Variants in PREX1 observed in about 807,000 individuals in gnomAD.
PREX1 encodes the protein phosphatidylinositol 3,4,5-trisphosphate-dependent Rac exchanger 1 protein.
A neutral mutation model predicts 198.3 loss-of-function variants in PREX1; 41 were observed. The ratio of observed to expected loss-of-function variants is 0.21; its 90% CI spans 0.16 to 0.27. The LOEUF (loss-of-function observed/expected upper bound fraction) is 0.27, where lower values mean the gene tolerates loss of function less well. PREX1 is among the 10% of genes least tolerant of loss of function. PREX1 has a pLI of 1.00. For missense variants in PREX1, 1,620 were observed against 2,200.7 expected (o/e 0.74, Z 5.28); for synonymous variants, 843 against 887.2 (o/e 0.95, Z 0.89).
At position 48,762,254 on chromosome 20, in the gene PREX1, GCTC is replaced by G. The variant is rs536845691; in HGVS notation, c.220-14377_220-14375del. On this transcript the variant is annotated intron_variant, in intron 1 of 39. Coordinates refer to ENST00000371941, the MANE Select transcript of PREX1 (RefSeq NM_020820.4). ...ACCCAGCTTCTCCCTACTCCTTTGGGCTCCTCAGTTGTTGATTTTTTTCCTGAA... is the reference window on the plus strand; with the variant it reads ...ACCCAGCTTCTCCCTACTCCTTTGGGCTCAGTTGTTGATTTTTTTCCTGAA... 4.6e-5 allele frequency among the ~76,000 whole-genome samples: 7 copies of G among 152,220 alleles called. No individual in the cohort carries two copies. In the East Asian group the frequency reaches 1.2e-3, roughly 25 times the overall value.
intron 14 of PREX1, among the ~76,000 whole-genome samples, chr20:48,669,304 GC>G (rs2089660087): frequency 6.6e-6 from 1 of 151,996 alleles, no homozygotes. Flanking sequence ...CCTGAAAGTA[GC>G]CCCCCAAACA....
chr20:48,631,515 C>CA (rs1336075725), intron 35 of PREX1, among the ~76,000 whole-genome samples: 6 of 152,218 alleles, frequency 3.9e-5, no homozygotes, highest in Admixed American at 3.3e-4. Flanking sequence ...AGGCAGGACT[C>CA]AGAGTATTCC....
In PREX1 at chr20:48,642,398, A is replaced by AGGTCCTACCTGGTTAAAGAGGT. The variant is rs765408801; in HGVS notation, c.3671_3684+8dup. On this transcript the variant is annotated intron_variant, in intron 28 of 39. Coordinates refer to ENST00000371941, the MANE Select transcript of PREX1 (RefSeq NM_020820.4). Reference sequence around the variant, plus strand: ...CAAAGTTGCGCCAGGAGTGGGGCAAAGGTCCTACCTGGTTAAAGAGGTGCT... The same window carrying AGGTCCTACCTGGTTAAAGAGGT: ...CAAAGTTGCGCCAGGAGTGGGGCAAAGGTCCTACCTGGTTAAAGAGGTGGTCCTACCTGGTTAAAGAGGTGCT... The AGGTCCTACCTGGTTAAAGAGGT allele has an allele frequency of 6.2e-7, 1 of 1,611,416 alleles. No homozygotes were observed. Among genetic ancestry groups the AGGTCCTACCTGGTTAAAGAGGT allele is most frequent in the African/African-American group, 1.3e-5 (1 of 74,882 alleles).
At chr20:48,642,608 T>C in intron 27 of PREX1, 119 bp from the exon 28 acceptor site, 1 of 884,382 alleles carries the variant, frequency 1.1e-6, no homozygotes, top group Non-Finnish European at 1.7e-6. Context: ...GGATGTGGAG[T>C]CTGAAGACCA....
intron 14 of PREX1, among the ~76,000 whole-genome samples, chr20:48,667,781 C>G (rs73144023): frequency 0.16 from 23,908 of 152,222 alleles, 2,210 homozygotes; most frequent in Middle Eastern, 0.3. Flanking sequence ...CCAACTCTCC[C>G]AGGTGGGATG....
chr20:48,884,633 A>G, the PREX1 span, among the ~76,000 whole-genome samples: 23 of 152,364 alleles, frequency 1.5e-4, no homozygotes, highest in African/African-American at 5.0e-4. Context: ...ATGTCAAAAA[A>G]TATAAATGAC....
At chr20:48,719,808 C>T (rs2089977702) in intron 5 of PREX1, among the ~76,000 whole-genome samples, 2 of 152,112 alleles carry the variant, frequency 1.3e-5, no homozygotes, top group Non-Finnish European at 2.9e-5. Context: ...TCCATCCTGA[C>T]CACCCCACGG....
At chr20:48,705,158 T>C (rs2089897062) in intron 6 of PREX1, among the ~76,000 whole-genome samples, 1 of 152,254 alleles carries the variant, frequency 6.6e-6, no homozygotes, top group African/African-American at 2.4e-5. Flanking sequence ...GGTACTCCCA[T>C]GATCCTGACT....
intron 1 of PREX1, among the ~76,000 whole-genome samples, chr20:48,811,274 C>G (rs2090433752): frequency 6.6e-6 from 1 of 152,108 alleles, no homozygotes; most frequent in Non-Finnish European, 1.5e-5. Context: ...CTCAGCCTCC[C>G]AAAGTGCTGG....
intron 15 of PREX1, among the ~76,000 whole-genome samples, chr20:48,664,076 T>TA (rs574402097): frequency 9.9e-5 from 15 of 151,712 alleles, no homozygotes; most frequent in Admixed American, 9.2e-4. Flanking sequence ...AACAGGCCCT[T>TA]AAAAAAAAGA....
intron 1 of PREX1, among the ~76,000 whole-genome samples, chr20:48,755,965 C>T (rs568934345): frequency 6.6e-6 from 1 of 152,310 alleles, no homozygotes; most frequent in Admixed American, 6.5e-5. Context: ...CTCTCTCTCG[C>T]CCACCCCATC....
At chr20:48,645,726 AACAGCACCCTGAGCCC>A (rs2089445625) in intron 26 of PREX1, 109 bp downstream of exon 26, 7 of 1,106,458 alleles carry the variant, frequency 6.3e-6, no homozygotes, top group Non-Finnish European at 9.1e-6. Flanking sequence ...CGCTATCAGC[AACAGCACCCTGAGCCC>A]ACTGCACCCT....
At chr20:48,630,923 A>C (rs529964901) in intron 35 of PREX1, 129 bp from the exon 36 acceptor site, 40 of 705,780 alleles carry the variant, frequency 5.7e-5, no homozygotes, top group Non-Finnish European at 8.5e-5. Context: ...AATCCCTGAG[A>C]GCGCCTGCAG....
intron 1 of PREX1, among the ~76,000 whole-genome samples, chr20:48,781,096 G>A (rs1327098409): frequency 6.6e-6 from 1 of 152,128 alleles, no homozygotes; most frequent in Admixed American, 6.5e-5. Flanking sequence ...AAGAAAGACT[G>A]GGGAACTCTC....
At chr20:48,635,693 C>A (rs938946154) in intron 32 of PREX1, among the ~76,000 whole-genome samples, 4 of 152,218 alleles carry the variant, frequency 2.6e-5, no homozygotes, top group Admixed American at 2.6e-4. Flanking sequence ...GTAGAGATTG[C>A]CTTCTCCCCA....
intron 10 of PREX1, among the ~76,000 whole-genome samples, chr20:48,685,623 T>TG (rs2123031849): frequency 6.6e-6 from 1 of 152,156 alleles, no homozygotes; most frequent in East Asian, 1.9e-4. Context: ...AGCCAACCCT[T>TG]GGGGGTGATA....
intron 1 of PREX1, among the ~76,000 whole-genome samples, chr20:48,800,058 T>A: frequency 6.6e-6 from 1 of 152,224 alleles, no homozygotes; most frequent in East Asian, 1.9e-4. Context: ...GCTTCTCTCC[T>A]GTCCATGTGG....
chr20:48,876,275 C>T, the PREX1 span, among the ~76,000 whole-genome samples: 1 of 152,178 alleles, frequency 6.6e-6, no homozygotes, highest in African/African-American at 2.4e-5. Context: ...TTCTCATCCA[C>T]CCAGCCTCAG....
intron 1 of PREX1, among the ~76,000 whole-genome samples, chr20:48,793,951 C>T (rs148178422): frequency 1.1e-3 from 175 of 152,302 alleles, no homozygotes; most frequent in African/African-American, 4.0e-3. Context: ...GGCTCAGTAG[C>T]CCATCTCCTC....
Sources: gnomAD v4.1 joint callset for allele counts (sites outside exome capture counted in the v4.1 genomes callset) on GRCh38, gnomAD v4.1.1 for gene constraint, MANE v1.5 for transcripts, NCBI Gene and HGNC (gene_info 2026-07-23, HGNC 2026-07-21) for gene names.